THSD7B: variants seen among roughly 807,000 people sequenced by gnomAD.
THSD7B encodes the protein thrombospondin type 1 domain containing 7B.
THSD7B carries 138 observed loss-of-function variants against 213.6 expected under a neutral mutation model. The ratio of observed to expected loss-of-function variants is 0.65; its 90% CI spans 0.56 to 0.74. The LOEUF (loss-of-function observed/expected upper bound fraction) is 0.74. Among genes scored for constraint, THSD7B ranks in the 30% least tolerant of loss-of-function variants. The pLI, the probability that THSD7B is intolerant of heterozygous loss-of-function variation, is 0.00. For missense variants in THSD7B, 1,931 were observed against 1,991.5 expected, an observed-to-expected ratio of 0.97 and a Z score of 0.58; for synonymous variants, 742 against 687.0, an observed-to-expected ratio of 1.08 and a Z score of -1.25.
intron 7 of THSD7B, among the ~76,000 whole-genome samples, chr2:137,218,218 G>A (rs572373472): frequency 6.6e-6 from 1 of 152,142 alleles, no homozygotes; most frequent in South Asian, 2.1e-4. Context: ...AGGAGTACAT[G>A]TATTTCAAAT....
intron 15 of THSD7B, among the ~76,000 whole-genome samples, chr2:137,539,533 T>C (rs950133517): frequency 6.6e-6 from 1 of 151,744 alleles, no homozygotes. Context: ...AGTAAAGTCA[T>C]GGCACAATAT....
intron 1 of THSD7B, among the ~76,000 whole-genome samples, chr2:136,819,686 G>C (rs1425036073): frequency 6.6e-6 from 1 of 151,574 alleles, no homozygotes; most frequent in Admixed American, 6.6e-5. Flanking sequence ...CCTTGCTTAT[G>C]CCCCCCCCAG....
intron 3 of THSD7B, among the ~76,000 whole-genome samples, chr2:137,058,488 A>T (rs1687209133): frequency 1.3e-5 from 2 of 151,998 alleles, no homozygotes; most frequent in Non-Finnish European, 2.9e-5. Context: ...TCAATTTTTA[A>T]ATTTTCAGAA....
chr2:137,020,027 C>G (rs182778979), intron 2 of THSD7B, among the ~76,000 whole-genome samples: 3 of 152,134 alleles, frequency 2.0e-5, no homozygotes, highest in Non-Finnish European at 4.4e-5. Context: ...CATGAAAACG[C>G]CAGGCACAGA....
At chr2:136,804,209 G>T (rs187394000) in intron 1 of THSD7B, among the ~76,000 whole-genome samples, 3 of 152,270 alleles carry the variant, frequency 2.0e-5, no homozygotes, top group Middle Eastern at 3.4e-3. Context: ...ATAGCTGTGT[G>T]ATCTTCAGCA....
chr2:137,045,881 G>T (rs1686959063), intron 2 of THSD7B, among the ~76,000 whole-genome samples: 1 of 152,130 alleles, frequency 6.6e-6, no homozygotes, highest in Non-Finnish European at 1.5e-5. Context: ...AACAGGCATT[G>T]CAAAAGGATT....
chr2:137,197,320 A>G (rs1337748583), intron 7 of THSD7B, among the ~76,000 whole-genome samples: 1 of 152,166 alleles, frequency 6.6e-6, no homozygotes, highest in Non-Finnish European at 1.5e-5. Flanking sequence ...AGATGTGTGA[A>G]TATTCCAGTT....
chr2:137,034,692 G>A (rs976975346), intron 2 of THSD7B, among the ~76,000 whole-genome samples: 14 of 152,010 alleles, frequency 9.2e-5, no homozygotes, highest in Non-Finnish European at 1.8e-4. Context: ...GCCGTGTTTG[G>A]TTTCTGTTCC....
chr2:136,936,865 C>T (rs1256626617), intron 2 of THSD7B, among the ~76,000 whole-genome samples: 1 of 152,052 alleles, frequency 6.6e-6, no homozygotes, highest in East Asian at 1.9e-4. Context: ...TCCTTTCCCT[C>T]AACTACATCT....
intron 15 of THSD7B, among the ~76,000 whole-genome samples, chr2:137,485,463 C>A (rs982621987): frequency 6.6e-6 from 1 of 152,116 alleles, no homozygotes; most frequent in Admixed American, 6.6e-5. Flanking sequence ...CATGATGCCT[C>A]CAGCTTTGTT....
At chr2:137,361,559 C>A (rs895818815) in intron 12 of THSD7B, among the ~76,000 whole-genome samples, 1 of 152,104 alleles carries the variant, frequency 6.6e-6, no homozygotes, top group Non-Finnish European at 1.5e-5. Context: ...GAGCTGAAAA[C>A]CGTGGCACGA....
chr2:136,934,271 A>G (rs114994307), intron 2 of THSD7B, among the ~76,000 whole-genome samples: 1,676 of 152,292 alleles, frequency 0.011, 19 homozygotes, highest in Middle Eastern at 0.027. Flanking sequence ...ATTAACTTCT[A>G]TACTTATTGC....
chr2:137,284,188 G>C (rs948466043), intron 12 of THSD7B, among the ~76,000 whole-genome samples: 1 of 152,160 alleles, frequency 6.6e-6, no homozygotes, highest in African/African-American at 2.4e-5. Context: ...TATTTGCGTA[G>C]AGGTGTTTGT....
At chr2:137,611,839 C>A (rs747788837) in intron 17 of THSD7B, among the ~76,000 whole-genome samples, 2 of 151,948 alleles carry the variant, frequency 1.3e-5, no homozygotes, top group African/African-American at 4.8e-5. Context: ...TCTTTTAAAG[C>A]GTAATTGTAA....
At chr2:137,090,578 A>G (rs1450195024) in intron 3 of THSD7B, among the ~76,000 whole-genome samples, 1 of 152,110 alleles carries the variant, frequency 6.6e-6, no homozygotes, top group Non-Finnish European at 1.5e-5. Context: ...TATTTTCTTT[A>G]TATTTAAATA....
At chr2:137,332,026 G>A (rs536522959) in intron 12 of THSD7B, among the ~76,000 whole-genome samples, 8 of 152,280 alleles carry the variant, frequency 5.3e-5, no homozygotes, top group South Asian at 4.1e-4. Flanking sequence ...AGCCGGCTCC[G>A]GCCTTGGCCA....
At chr2:136,766,671 A>T (rs907725774) in intron 1 of THSD7B, among the ~76,000 whole-genome samples, 2 of 152,134 alleles carry the variant, frequency 1.3e-5, no homozygotes, top group Non-Finnish European at 2.9e-5. Flanking sequence ...TTCTTTTGGA[A>T]TGTCTGAGCT....
chr2:137,317,726 G>A (rs906861096), intron 12 of THSD7B, among the ~76,000 whole-genome samples: 2 of 152,018 alleles, frequency 1.3e-5, no homozygotes, highest in African/African-American at 4.8e-5. Flanking sequence ...ACCAGCCTGG[G>A]CAACATAACC....
chr2:137,300,069 A>G (rs147211372), intron 12 of THSD7B, among the ~76,000 whole-genome samples: 98 of 152,258 alleles, frequency 6.4e-4, no homozygotes, highest in African/African-American at 2.3e-3. Context: ...AAGGTTGATT[A>G]TGATTTCTTA....
Sources: allele counts gnomAD v4.1 joint callset (sites outside exome capture counted in the v4.1 genomes callset), GRCh38; gene constraint gnomAD v4.1.1; transcripts MANE v1.5; gene names NCBI Gene and HGNC (gene_info 2026-07-23, HGNC 2026-07-21).